Variants in PRKCZ observed in about 807,000 individuals in gnomAD.
PRKCZ encodes the protein protein kinase C zeta.
In PRKCZ, 33 loss-of-function variants were observed where a neutral mutation model predicts 79.5. That is an observed-to-expected ratio of 0.41 (90% confidence interval 0.31 to 0.55). The LOEUF (loss-of-function observed/expected upper bound fraction) is 0.55. Among genes scored for constraint, PRKCZ ranks in the 20% least tolerant of loss-of-function variants. The pLI is 0.19. For missense variants in PRKCZ, 578 were observed against 813.5 expected, an observed-to-expected ratio of 0.71 and a Z score of 3.52; for synonymous variants, 342 against 320.9, an observed-to-expected ratio of 1.07 and a Z score of -0.70.
intron 16 of PRKCZ, 47 bp downstream of exon 16, chr1:2,175,360 C>A: frequency 6.7e-7 from 1 of 1,483,758 alleles, no homozygotes; most frequent in East Asian, 2.3e-5. Flanking sequence ...CATCCCAACC[C>A]CAAATCTACC....
chr1:2,135,497 A>G (rs957833611), intron 5 of PRKCZ, 150 bp downstream of exon 5: 2 of 730,212 alleles, frequency 2.7e-6, no homozygotes, highest in Non-Finnish European at 4.3e-6. Context: ...TCTCTGGTGC[A>G]GGATGAGGCT....
At chr1:2,121,749 G>A (rs1370387618) in intron 4 of PRKCZ, among the ~76,000 whole-genome samples, 1 of 99,912 alleles carries the variant, frequency 1.0e-5, no homozygotes, top group African/African-American at 4.7e-5. Context: ...CACGGCGGTG[G>A]TTAGGGTCAC....
intron 1 of PRKCZ, among the ~76,000 whole-genome samples, chr1:2,052,832 C>A (rs763616225): frequency 4.6e-5 from 7 of 152,166 alleles, no homozygotes; most frequent in Admixed American, 1.3e-4. Context: ...TGAGCGTGGA[C>A]ACGTGGAAGA....
intron 4 of PRKCZ, among the ~76,000 whole-genome samples, chr1:2,060,114 G>A (rs1390548023): frequency 2.0e-5 from 3 of 152,238 alleles, no homozygotes; most frequent in Admixed American, 2.0e-4. Context: ...AGGTGGCTAC[G>A]CTGCTCTCGG....
chr1:2,183,190 C>T (rs1258776368), intron 16 of PRKCZ, among the ~76,000 whole-genome samples: 2 of 151,938 alleles, frequency 1.3e-5, no homozygotes, highest in Admixed American at 6.6e-5. Flanking sequence ...GAGATCGTGC[C>T]ACTGCACTTC....
At chr1:2,138,177 T>G (rs1196020838) in intron 5 of PRKCZ, among the ~76,000 whole-genome samples, 1 of 152,186 alleles carries the variant, frequency 6.6e-6, no homozygotes, top group Non-Finnish European at 1.5e-5. Context: ...TGTGAATCAG[T>G]AAGACTTAAA....
upstream of PRKCZ, chr1:2,049,510 T>G (rs1018120154): frequency 6.6e-6 from 1 of 152,130 alleles, no homozygotes; most frequent in Non-Finnish European, 1.5e-5. Context: ...GGTGGCTGTG[T>G]CTGGGTGAGG....
At chr1:2,164,422 G>A (rs551918301) in intron 10 of PRKCZ, among the ~76,000 whole-genome samples, 39 of 152,342 alleles carry the variant, frequency 2.6e-4, no homozygotes, top group African/African-American at 8.7e-4. Context: ...GGGGGACTCT[G>A]CAGTGTGGCT....
intron 4 of PRKCZ, chr1:2,074,073 A>T (rs1233326573): frequency 1.3e-6 from 2 of 1,485,452 alleles, no homozygotes; most frequent in African/African-American, 2.8e-5. Flanking sequence ...TGTGCGCTGC[A>T]CAGATGCTCC....
At chr1:2,130,286 G>T (rs1674709847) in intron 4 of PRKCZ, among the ~76,000 whole-genome samples, 1 of 152,186 alleles carries the variant, frequency 6.6e-6, no homozygotes, top group Non-Finnish European at 1.5e-5. Flanking sequence ...TTCCAGCTGG[G>T]GACTGGCATG....
At position 2,082,288 on chromosome 1, in the gene PRKCZ, A is replaced by C; in HGVS notation, c.334+22697A>C. ...GGCTCCGTGGCACGATCACACGTGC[A>C]GGAGCTGGGGGCTGCCAGAGCGGCT... On this transcript the variant is annotated intron_variant, in intron 4 of 17. Transcript: ENST00000378567. The surrounding 1 kb of genome is among the most constrained non-coding windows in gnomAD (Gnocchi z 4.4). 2.3e-6 allele frequency: 1 copy of C among 438,760 alleles called. No homozygotes were observed. Among genetic ancestry groups the C allele is most frequent in the Non-Finnish European group, 4.6e-6 (1 of 218,292 alleles). The allele number at this position is 438,760 out of a possible 1,614,324, so 27.2% of individuals were successfully genotyped here.
At chr1:2,056,459 C>T (rs1660171914) in intron 2 of PRKCZ, 25 bp from the exon 3 acceptor site, 1 of 1,608,226 alleles carries the variant, frequency 6.2e-7, no homozygotes, top group Non-Finnish European at 8.5e-7. Context: ...TCGGCGACGT[C>T]AGCACCGTCT....
intron 5 of PRKCZ, among the ~76,000 whole-genome samples, chr1:2,140,923 G>A (rs575899863): frequency 1.7e-3 from 256 of 152,304 alleles, no homozygotes; most frequent in Non-Finnish European, 3.1e-3. Context: ...AGCCAAGATC[G>A]TACCACTGCA....
intron 7 of PRKCZ, 45 bp from the exon 8 acceptor site, chr1:2,148,827 C>A (rs764295701): frequency 1.7e-5 from 27 of 1,596,520 alleles, no homozygotes; most frequent in Non-Finnish European, 2.1e-5. Flanking sequence ...CCAGTGCGTT[C>A]CTGACCACAC....
intron 4 of PRKCZ, among the ~76,000 whole-genome samples, chr1:2,088,717 T>A (rs1458579765): frequency 2.0e-5 from 3 of 152,226 alleles, no homozygotes; most frequent in Non-Finnish European, 4.4e-5. Context: ...ACAGCTCAGC[T>A]GCCTGGAGGC....
intron 3 of PRKCZ, among the ~76,000 whole-genome samples, chr1:2,058,166 C>T (rs963814001): frequency 6.6e-6 from 1 of 152,212 alleles, no homozygotes; most frequent in African/African-American, 2.4e-5. Flanking sequence ...GGTGCCCGGC[C>T]TAATTTTTGT....
chr1:2,109,230 C>T (rs535287055), intron 4 of PRKCZ, among the ~76,000 whole-genome samples: 51 of 152,334 alleles, frequency 3.3e-4, no homozygotes, highest in Admixed American at 1.3e-4. Flanking sequence ...TGGGTGCTTC[C>T]GGATGCTTGG....
At chr1:2,147,215 CATCT>C (rs1678758735) in intron 7 of PRKCZ, among the ~76,000 whole-genome samples, 1 of 151,762 alleles carries the variant, frequency 6.6e-6, no homozygotes, top group Non-Finnish European at 1.5e-5. Context: ...CTGACCTCTC[CATCT>C]ATCCATCCAT....
chr1:2,071,030 G>T (rs938660288), intron 4 of PRKCZ, among the ~76,000 whole-genome samples: 1 of 149,068 alleles, frequency 6.7e-6, no homozygotes, highest in African/African-American at 2.5e-5. Flanking sequence ...CCATGGAGTC[G>T]CCTGCTGGGA....
Sources: gnomAD v4.1 joint callset for allele counts (sites outside exome capture counted in the v4.1 genomes callset) on GRCh38, gnomAD v4.1.1 for gene constraint, Gnocchi (gnomAD v3.1) non-coding constraint, MANE v1.5 for transcripts, NCBI Gene and HGNC (gene_info 2026-07-23, HGNC 2026-07-21) for gene names.